The following TMEM260 variants were observed in gnomAD, a reference collection of about 807,000 sequenced individuals.
TMEM260 encodes the protein protein O-mannosyl-transferase TMEM260.
A neutral mutation model predicts 88.9 loss-of-function variants in TMEM260; 82 were observed. The ratio of observed to expected loss-of-function variants is 0.92; its 90% confidence interval spans 0.77 to 1.11. The LOEUF (loss-of-function observed/expected upper bound fraction) is 1.11, where lower values mean the gene tolerates loss of function less well. Among genes scored for constraint, TMEM260 ranks in the 50% least tolerant of loss-of-function variants. The pLI is 0.00. For missense variants in TMEM260, 902 were observed against 853.4 expected (o/e 1.06, Z -0.71); for synonymous variants, 314 against 309.3 (o/e 1.02, Z -0.16).
In TMEM260 at chr14:56,605,544, A is replaced by AG. The variant is rs202175823; in HGVS notation, c.523-26_523-25insG. ...AGAGTTTTAGGTGAATTTTTTACTT[A>AG]ATTTTTTTTTTTAATTTATTTTCAG... On this transcript the variant is annotated intron_variant, in intron 4 of 15. Transcript: ENST00000261556. The AG allele has an allele frequency of 7.7e-3, 10,126 of 1,317,210 alleles. 165 individuals are homozygous for AG. The East Asian group carries it at 0.078, about 10-fold the overall frequency. The allele number at this position is 1,317,210 out of a possible 1,614,324, so 81.6% of individuals were successfully genotyped here.
intron 13 of TMEM260, 104 bp from the exon 14 acceptor site, chr14:56,634,795 T>C (rs988757954): frequency 3.4e-5 from 33 of 976,622 alleles, no homozygotes; most frequent in Non-Finnish European, 4.6e-5. Flanking sequence ...TGAGCCAAGA[T>C]CGCACCATTG....
At chr14:56,644,874 C>CA (rs1365253322) in intron 15 of TMEM260, among the ~76,000 whole-genome samples, 3 of 152,026 alleles carry the variant, frequency 2.0e-5, no homozygotes, top group African/African-American at 4.8e-5. Context: ...TTTATGCAGC[C>CA]AAAAAAACAC....
rs1259957305 is a variant in TMEM260 at position 56,580,007 on chromosome 14, G to A, written c.93G>A (p.Ala31=). Residue 31 remains alanine, a synonymous_variant, in exon 1 of 16, where the codon GCG becomes GCA. Transcript: ENST00000261556. ...RRSGGIRGGV[A]VFAAVAAVFT... ...CCGGGGGCATCCGCGGCGGCGTGGC[G>A]GTGTTCGCCGCCGTGGCCGCAGTGT... is the stretch of plus-strand genomic sequence containing the variant. 2.4e-6 allele frequency: 3 copies of A among 1,247,462 alleles called. No individual in the cohort carries two copies. The highest frequency in any genetic ancestry group is 3.0e-6 in the Non-Finnish European group (3 of 989,156). The allele number at this position is 1,247,462 out of a possible 1,614,324, so 77.3% of individuals were successfully genotyped here.
intron 11 of TMEM260, among the ~76,000 whole-genome samples, chr14:56,623,259 A>G (rs1232989487): frequency 6.6e-6 from 1 of 152,234 alleles, no homozygotes; most frequent in Non-Finnish European, 1.5e-5. Context: ...GATTGATAAT[A>G]TGAGCAGTTC....
chr14:56,640,972 CCAAGAAATATGGGACTATGTGAAAA>C lies in TMEM260; in HGVS notation c.1869+4394_1869+4418del, dbSNP rs1459877098. Among the ~76,000 whole-genome samples, 7 of 152,170 alleles carry C rather than the reference CCAAGAAATATGGGACTATGTGAAAA, an allele frequency of 4.6e-5. No homozygotes were observed. The East Asian group carries it at 5.8e-4, about 13-fold the overall frequency. On this transcript the variant is annotated intron_variant, in intron 15 of 15. Coordinates refer to ENST00000261556, the MANE Select transcript of TMEM260 (RefSeq NM_017799.4). ...GAATAACAAGAAACAAACAAAGCCTCCAAGAAATATGGGACTATGTGAAAACAAGAAATATGGGACTATGAAAAGA... is the reference window on the plus strand; with the variant it reads ...GAATAACAAGAAACAAACAAAGCCTCCAAGAAATATGGGACTATGAAAAGA...
At chr14:56,610,429 A>T (rs1365405922) in intron 6 of TMEM260, among the ~76,000 whole-genome samples, 1 of 152,002 alleles carries the variant, frequency 6.6e-6, no homozygotes, top group Non-Finnish European at 1.5e-5. Flanking sequence ...TTTTTAGTAG[A>T]GACGGGGTTT....
intron 1 of TMEM260, among the ~76,000 whole-genome samples, chr14:56,582,644 A>G (rs2139490917): frequency 6.6e-6 from 1 of 152,288 alleles, no homozygotes; most frequent in Middle Eastern, 3.4e-3. Context: ...AGATTATGGA[A>G]TTTGGAGGTG....
At chr14:56,589,641 G>C (rs1398014076) in intron 3 of TMEM260, among the ~76,000 whole-genome samples, 1 of 152,074 alleles carries the variant, frequency 6.6e-6, no homozygotes, top group Admixed American at 6.6e-5. Flanking sequence ...TTGAAACTTT[G>C]CTTACTACAA....
At chr14:56,626,708 A>G (rs909787675) in intron 12 of TMEM260, among the ~76,000 whole-genome samples, 1 of 152,194 alleles carries the variant, frequency 6.6e-6, no homozygotes, top group Non-Finnish European at 1.5e-5. Flanking sequence ...CTGTTTGGGG[A>G]CATTCATTCA....
intron 3 of TMEM260, among the ~76,000 whole-genome samples, chr14:56,603,373 A>G (rs931517740): frequency 6.6e-6 from 1 of 152,210 alleles, no homozygotes; most frequent in Non-Finnish European, 1.5e-5. Flanking sequence ...ACCTAGGTCC[A>G]AACATTCTAC....
intron 15 of TMEM260, among the ~76,000 whole-genome samples, chr14:56,643,218 T>G (rs1889726971): frequency 6.6e-6 from 1 of 152,130 alleles, no homozygotes; most frequent in Non-Finnish European, 1.5e-5. Flanking sequence ...AAAAAGAATT[T>G]TAGACCAGTA....
At chr14:56,589,430 C>G (rs1368263081) in intron 3 of TMEM260, among the ~76,000 whole-genome samples, 2 of 152,128 alleles carry the variant, frequency 1.3e-5, no homozygotes, top group East Asian at 3.9e-4. Flanking sequence ...AATCAAAATT[C>G]AGTGCTTATT....
At chr14:56,659,021 C>T in the TMEM260 span, among the ~76,000 whole-genome samples, 4 of 152,248 alleles carry the variant, frequency 2.6e-5, no homozygotes, top group African/African-American at 7.2e-5. Flanking sequence ...TGAGCCATCA[C>T]GCCCAACAAA....
At chr14:56,640,965 AAAGCCTCC>A (rs1474292903) in intron 15 of TMEM260, among the ~76,000 whole-genome samples, 3 of 151,520 alleles carry the variant, frequency 2.0e-5, no homozygotes, top group Non-Finnish European at 4.4e-5. Context: ...AGAAACAAAC[AAAGCCTCC>A]AAGAAATATG....
chr14:56,596,850 A>G (rs1349124780), intron 3 of TMEM260, among the ~76,000 whole-genome samples: 1 of 151,288 alleles, frequency 6.6e-6, no homozygotes, highest in South Asian at 2.1e-4. Context: ...AATATTATCA[A>G]TAGTCCAAAA....
At chr14:56,656,912 G>A in the TMEM260 span, among the ~76,000 whole-genome samples, 3 of 152,120 alleles carry the variant, frequency 2.0e-5, no homozygotes, top group East Asian at 3.9e-4. Context: ...AGTAAAAATC[G>A]TGTGCACAAT....
chr14:56,641,206 A>G (rs948048596), intron 15 of TMEM260, among the ~76,000 whole-genome samples: 29 of 151,632 alleles, frequency 1.9e-4, no homozygotes, highest in African/African-American at 6.8e-4. Flanking sequence ...TCCAAGACAC[A>G]TGATTGTCAG....
At chr14:56,641,272 G>C (rs1460058347) in intron 15 of TMEM260, among the ~76,000 whole-genome samples, 7 of 152,202 alleles carry the variant, frequency 4.6e-5, no homozygotes, top group East Asian at 3.9e-4. Flanking sequence ...AGAGAAAGAT[G>C]GGGTTACCCA....
At chr14:56,594,837 T>C (rs545319891) in intron 3 of TMEM260, among the ~76,000 whole-genome samples, 1 of 152,362 alleles carries the variant, frequency 6.6e-6, no homozygotes, top group African/African-American at 2.4e-5. Flanking sequence ...AAAAGATTTA[T>C]GAATAATATT....
Sources: allele counts gnomAD v4.1 joint callset (sites outside exome capture counted in the v4.1 genomes callset), GRCh38; gene constraint gnomAD v4.1.1; transcripts MANE v1.5; gene names NCBI Gene and HGNC (gene_info 2026-07-23, HGNC 2026-07-21).